FAM168A: variants seen among roughly 807,000 people sequenced by gnomAD.
The protein encoded by FAM168A is protein FAM168A.
In FAM168A, 3 loss-of-function variants were observed where a neutral mutation model predicts 28.5. That is an observed-to-expected ratio of 0.11 (90% confidence interval 0.05 to 0.27). The LOEUF is 0.27. Ranked by LOEUF, FAM168A falls within the 10% of genes least tolerant of loss-of-function variation. FAM168A has a pLI of 1.00. For missense variants in FAM168A, 222 were observed against 311.5 expected (o/e 0.71, Z 2.16); for synonymous variants, 122 against 124.2 (o/e 0.98, Z 0.12).
At chr11:73,505,707 G>GT (rs1357966287) in intron 1 of FAM168A, among the ~76,000 whole-genome samples, 1 of 152,178 alleles carries the variant, frequency 6.6e-6, no homozygotes, top group African/African-American at 2.4e-5. Flanking sequence ...AAGCCAGCAG[G>GT]TATGTGGAGA....
chr11:73,546,916 GA>G (rs1410460582), intron 1 of FAM168A, among the ~76,000 whole-genome samples: 1 of 151,812 alleles, frequency 6.6e-6, no homozygotes, highest in African/African-American at 2.4e-5. Context: ...AACTGCATAT[GA>G]AAAAATAACA....
intron 1 of FAM168A, among the ~76,000 whole-genome samples, chr11:73,551,331 G>A (rs1943826788): frequency 6.6e-6 from 1 of 152,144 alleles, no homozygotes; most frequent in African/African-American, 2.4e-5. Flanking sequence ...AGTAGGTAGG[G>A]AGACCAGCCA....
At chr11:73,593,121 T>G (rs1481145447) in intron 1 of FAM168A, among the ~76,000 whole-genome samples, 1 of 152,082 alleles carries the variant, frequency 6.6e-6, no homozygotes, top group Non-Finnish European at 1.5e-5. Flanking sequence ...ACATATTTGG[T>G]AAAAGTATAA....
At chr11:73,489,498 C>T (rs1004306482) in intron 1 of FAM168A, among the ~76,000 whole-genome samples, 1 of 150,872 alleles carries the variant, frequency 6.6e-6, no homozygotes, top group African/African-American at 2.5e-5. Context: ...CTCCCCCACA[C>T]CCCATCCCCC....
intron 1 of FAM168A, among the ~76,000 whole-genome samples, chr11:73,475,123 G>A (rs143361954): frequency 3.1e-4 from 47 of 152,104 alleles, no homozygotes; most frequent in African/African-American, 9.6e-4. Context: ...TCAAAATAAC[G>A]AAATATATGA....
chr11:73,430,896 C>G, intron 2 of FAM168A, 126 bp from the exon 3 acceptor site: 1 of 671,172 alleles, frequency 1.5e-6, no homozygotes, highest in Non-Finnish European at 2.5e-6. Context: ...CGTTCAGTCT[C>G]TCCATGGGCT....
At chr11:73,427,625 A>G (rs2134506403) in intron 3 of FAM168A, among the ~76,000 whole-genome samples, 1 of 152,324 alleles carries the variant, frequency 6.6e-6, no homozygotes, top group Non-Finnish European at 1.5e-5. Flanking sequence ...AAATGGGGAT[A>G]ATAAGAGTAC....
intron 1 of FAM168A, among the ~76,000 whole-genome samples, chr11:73,578,509 A>G (rs1944203718): frequency 6.6e-6 from 1 of 152,096 alleles, no homozygotes; most frequent in African/African-American, 2.4e-5. Context: ...CACACACACA[A>G]TTTTCTTTTT....
chr11:73,496,662 G>A (rs1320084682), intron 1 of FAM168A, among the ~76,000 whole-genome samples: 7 of 152,160 alleles, frequency 4.6e-5, no homozygotes, highest in African/African-American at 7.2e-5. Context: ...CCGCGTTCAC[G>A]CCATTCTCCT....
chr11:73,412,815 C>T (rs535994593), intron 4 of FAM168A, among the ~76,000 whole-genome samples: 1 of 152,182 alleles, frequency 6.6e-6, no homozygotes, highest in Non-Finnish European at 1.5e-5. Context: ...TGGGCTTCAG[C>T]TCTTTCACCT....
intron 1 of FAM168A, among the ~76,000 whole-genome samples, chr11:73,551,863 G>A (rs1052457083): frequency 2.0e-5 from 3 of 152,238 alleles, no homozygotes; most frequent in Non-Finnish European, 4.4e-5. Flanking sequence ...CTTGCCTAAA[G>A]CATTCAGAAC....
At chr11:73,447,360 G>A (rs1198461460) in intron 2 of FAM168A, among the ~76,000 whole-genome samples, 1 of 151,674 alleles carries the variant, frequency 6.6e-6, no homozygotes, top group Admixed American at 6.6e-5. Flanking sequence ...ACCAATCTGG[G>A]CAACATAGCA....
rs998287219 is a variant in FAM168A at position 73,464,470 on chromosome 11, T to C, written c.70+3935A>G. ...ATTTAGACCTATGTTTTCTACTGGC[T>C]GAAGCCAGGATATTCATTAAAGGTC... On this transcript the variant is annotated intron_variant, in intron 2 of 7. Coordinates refer to ENST00000356467, the MANE Select transcript of FAM168A (RefSeq NM_015159.3). Among the ~76,000 whole-genome samples the C allele has an allele frequency of 1.4e-4, 21 of 152,188 alleles. 1 individual carries two copies. Among genetic ancestry groups the C allele is most frequent in the African/African-American group, 4.8e-4 (20 of 41,448 alleles).
chr11:73,427,175 T>C (rs768862042), intron 3 of FAM168A, among the ~76,000 whole-genome samples: 1 of 152,052 alleles, frequency 6.6e-6, no homozygotes, highest in Admixed American at 6.5e-5. Flanking sequence ...GTATTTTTAG[T>C]AGAGACAGCG....
At chr11:73,438,772 A>C (rs1867139665) in intron 2 of FAM168A, among the ~76,000 whole-genome samples, 1 of 152,184 alleles carries the variant, frequency 6.6e-6, no homozygotes, top group Non-Finnish European at 1.5e-5. Flanking sequence ...AGCCCAAAGG[A>C]AAAGCTAAAA....
At chr11:73,544,801 AT>A (rs1244291673) in intron 1 of FAM168A, among the ~76,000 whole-genome samples, 1 of 109,370 alleles carries the variant, frequency 9.1e-6, no homozygotes, top group African/African-American at 3.9e-5. Flanking sequence ...TATATATGTA[AT>A]TATATATCAT....
At chr11:73,525,384 G>A (rs1943436101) in intron 1 of FAM168A, among the ~76,000 whole-genome samples, 1 of 152,044 alleles carries the variant, frequency 6.6e-6, no homozygotes, top group South Asian at 2.1e-4. Context: ...CCTATCTGAG[G>A]AGATTAAGTT....
intron 2 of FAM168A, among the ~76,000 whole-genome samples, chr11:73,434,421 G>A (rs1232604638): frequency 2.0e-5 from 3 of 152,204 alleles, no homozygotes; most frequent in Non-Finnish European, 4.4e-5. Context: ...GATAATCAAA[G>A]TAAGACATAT....
rs137878065 is a variant in FAM168A at position 73,422,537 on chromosome 11, G to A, written c.152-2538C>T. Among the ~76,000 whole-genome samples the A allele has an allele frequency of 7.2e-5, 11 of 152,248 alleles. No homozygotes were observed. In the East Asian group the frequency reaches 1.5e-3, roughly 21 times the overall value. ...AGTCACCCATTCTATTGGTGGGAGC[G>A]ATTCAGAGCTCAGTTGTGGGATGAA... On this transcript the variant is annotated intron_variant, in intron 3 of 7. Coordinates refer to ENST00000356467, the MANE Select transcript of FAM168A (RefSeq NM_015159.3).
Sources: gnomAD v4.1 joint callset for allele counts (sites outside exome capture counted in the v4.1 genomes callset) on GRCh38, gnomAD v4.1.1 for gene constraint, MANE v1.5 for transcripts, NCBI Gene and HGNC (gene_info 2026-07-23, HGNC 2026-07-21) for gene names.